Variants in EYA1 observed in about 807,000 individuals in gnomAD.
The protein encoded by EYA1 is protein phosphatase EYA1.
In EYA1, 16 loss-of-function variants were observed where a neutral mutation model predicts 82.0. The ratio of observed to expected loss-of-function variants is 0.20; its 90% CI spans 0.13 to 0.30. The LOEUF is 0.30. Among genes scored for constraint, EYA1 ranks in the 10% least tolerant of loss-of-function variants. EYA1 has a pLI of 1.00. For missense variants in EYA1, 633 were observed against 730.7 expected (o/e 0.87, Z 1.54); for synonymous variants, 261 against 264.4 (o/e 0.99, Z 0.12).
intron 2 of EYA1, among the ~76,000 whole-genome samples, chr8:71,383,548 T>C (rs1828824704): frequency 6.6e-6 from 1 of 152,126 alleles, no homozygotes; most frequent in Non-Finnish European, 1.5e-5. Context: ...CATACATCAA[T>C]ATGAGAAATC....
chr8:71,259,281 G>A (rs770734320), intron 11 of EYA1, among the ~76,000 whole-genome samples: 28 of 152,044 alleles, frequency 1.8e-4, no homozygotes, highest in Non-Finnish European at 3.1e-4. Context: ...GCCCACCACA[G>A]TTCATGTTAC....
intron 1 of EYA1, among the ~76,000 whole-genome samples, chr8:71,537,252 C>A (rs1050822538): frequency 1.3e-5 from 2 of 152,040 alleles, no homozygotes; most frequent in Non-Finnish European, 2.9e-5. Context: ...GTAATTTTAA[C>A]AAGAAACAAT....
At chr8:71,321,599 T>G (rs957170723) in intron 6 of EYA1, 135 bp downstream of exon 6, 1 of 1,140,212 alleles carries the variant, frequency 8.8e-7, no homozygotes, top group Non-Finnish European at 1.2e-6. Context: ...GAAACAATCA[T>G]ACTAAGAATT....
At chr8:71,460,852 T>C (rs957517548) in intron 2 of EYA1, among the ~76,000 whole-genome samples, 4 of 152,126 alleles carry the variant, frequency 2.6e-5, no homozygotes, top group Non-Finnish European at 4.4e-5. Flanking sequence ...TCCTGGAAGT[T>C]TGGGAAACAC....
At chr8:71,332,590 C>A (rs1824013107) in intron 4 of EYA1, among the ~76,000 whole-genome samples, 1 of 152,178 alleles carries the variant, frequency 6.6e-6, no homozygotes, top group African/African-American at 2.4e-5. Context: ...ACAAAAAAAT[C>A]TCTCCCTGAT....
At chr8:71,200,715 T>C (rs1449200405) in intron 17 of EYA1, among the ~76,000 whole-genome samples, 1 of 152,036 alleles carries the variant, frequency 6.6e-6, no homozygotes, top group South Asian at 2.1e-4. Context: ...GTAGAAGATA[T>C]AGAGATGCAT....
At position 71,337,614 on chromosome 8, in the gene EYA1, T is replaced by G. The variant is rs376366102; in HGVS notation, c.125-3440A>C. Among the ~76,000 whole-genome samples, 12 of 152,354 alleles carry G rather than the reference T, an allele frequency of 7.9e-5. No homozygotes were observed. The South Asian group carries it at 2.5e-3, about 32-fold the overall frequency. ...AAGACTTTCTAAAAGTGATTTAATC[T>G]CCTTGATCTTAATTATCTCCATATA... On this transcript the variant is annotated intron_variant, in intron 3 of 17. Coordinates refer to ENST00000340726, the MANE Select transcript of EYA1 (RefSeq NM_000503.6).
intron 3 of EYA1, among the ~76,000 whole-genome samples, chr8:71,353,322 A>G (rs1826494179): frequency 1.3e-5 from 2 of 152,228 alleles, no homozygotes; most frequent in African/African-American, 4.8e-5. Context: ...GAGAGGAAAT[A>G]GGACTGCTTG....
chr8:71,395,062 A>T (rs898445380), intron 2 of EYA1, among the ~76,000 whole-genome samples: 33 of 152,198 alleles, frequency 2.2e-4, no homozygotes, highest in African/African-American at 6.3e-4. Context: ...CTATTGTGAA[A>T]TGGAGTTCAC....
intron 3 of EYA1, among the ~76,000 whole-genome samples, chr8:71,340,555 T>C (rs1825003888): frequency 6.6e-6 from 1 of 152,272 alleles, no homozygotes; most frequent in South Asian, 2.1e-4. Flanking sequence ...AATCCCACAG[T>C]TTCTTCAAGG....
chr8:71,410,939 A>G (rs1830558090), intron 2 of EYA1, among the ~76,000 whole-genome samples: 1 of 24,514 alleles, frequency 4.1e-5, no homozygotes, highest in Non-Finnish European at 7.2e-5. Flanking sequence ...CTAAGCCAAA[A>G]GAACAAAGCT....
chr8:71,521,814 C>T (rs1187110601), intron 2 of EYA1, among the ~76,000 whole-genome samples: 3 of 152,128 alleles, frequency 2.0e-5, no homozygotes, highest in African/African-American at 2.4e-5. Flanking sequence ...GTTTTTATTA[C>T]GTAGGCACTA....
chr8:71,252,321 T>A (rs1239701890), intron 11 of EYA1, among the ~76,000 whole-genome samples: 1 of 152,010 alleles, frequency 6.6e-6, no homozygotes, highest in Admixed American at 6.5e-5. Context: ...TCTGAAGTGC[T>A]ATATGTATTG....
intron 9 of EYA1, among the ~76,000 whole-genome samples, chr8:71,293,449 C>T (rs1586216422): frequency 1.3e-5 from 2 of 152,150 alleles, no homozygotes; most frequent in Admixed American, 1.3e-4. Context: ...GCCAGCATTA[C>T]CCTAATACTG....
chr8:71,232,921 T>C lies in EYA1; in HGVS notation c.1140+11682A>G, dbSNP rs892451364. On this transcript the variant is annotated intron_variant, in intron 12 of 17. Transcript: ENST00000340726. ...TTCCTGCGAGCCAGTGCTAGTTGTA[T>C]GCACTTAACAGATTTTAACTCACGC... 3.9e-5 allele frequency among the ~76,000 whole-genome samples: 6 copies of C among 152,152 alleles called. No homozygotes were observed. In the East Asian group the frequency reaches 5.8e-4, roughly 15 times the overall value.
At chr8:71,541,636 T>C (rs1815144696) in intron 1 of EYA1, among the ~76,000 whole-genome samples, 1 of 152,228 alleles carries the variant, frequency 6.6e-6, no homozygotes, top group South Asian at 2.1e-4. Context: ...CAATTGATTA[T>C]GATTGATGGC....
intron 2 of EYA1, among the ~76,000 whole-genome samples, chr8:71,398,729 G>T (rs1443777356): frequency 1.3e-5 from 2 of 152,234 alleles, no homozygotes; most frequent in Non-Finnish European, 2.9e-5. Context: ...TCCCATTTAG[G>T]CTACTTGGGG....
At chr8:71,336,714 T>A (rs970642169) in intron 3 of EYA1, among the ~76,000 whole-genome samples, 3 of 152,202 alleles carry the variant, frequency 2.0e-5, no homozygotes, top group Non-Finnish European at 4.4e-5. Flanking sequence ...TTTTCACCAT[T>A]GTTCAAACAT....
intron 12 of EYA1, among the ~76,000 whole-genome samples, chr8:71,237,561 T>C (rs1244895252): frequency 6.6e-6 from 1 of 152,152 alleles, no homozygotes; most frequent in Non-Finnish European, 1.5e-5. Flanking sequence ...TTTACAGAAT[T>C]TGGGACATAC....
Sources: allele counts gnomAD v4.1 joint callset (sites outside exome capture counted in the v4.1 genomes callset), GRCh38; gene constraint gnomAD v4.1.1; transcripts MANE v1.5; gene names NCBI Gene and HGNC (gene_info 2026-07-23, HGNC 2026-07-21).